Variants in ARMC2 observed in about 807,000 individuals in gnomAD.
ARMC2 encodes the protein armadillo repeat-containing protein 2.
Under a neutral mutation model 90.3 loss-of-function variants are expected in ARMC2, and 67 were observed. That is an observed-to-expected ratio of 0.74 (90% confidence interval 0.61 to 0.91). The LOEUF is 0.91. Among genes scored for constraint, ARMC2 ranks in the 40% least tolerant of loss-of-function variants. ARMC2 has a pLI of 0.00. For missense variants in ARMC2, 920 were observed against 1,030.9 expected (o/e 0.89, Z 1.47); for synonymous variants, 393 against 393.0 (o/e 1.00, Z 0.00).
intron 5 of ARMC2, among the ~76,000 whole-genome samples, chr6:108,877,342 T>C (rs17316075): frequency 2.0e-5 from 3 of 152,250 alleles, no homozygotes; most frequent in African/African-American, 7.2e-5. Context: ...CTTGTTTAGC[T>C]GAACCGACCT....
At chr6:108,864,889 C>G (rs1466930546) in intron 3 of ARMC2, among the ~76,000 whole-genome samples, 2 of 152,246 alleles carry the variant, frequency 1.3e-5, no homozygotes, top group East Asian at 3.9e-4. Flanking sequence ...ACAGGTCCAC[C>G]AGCCAGAACA....
chr6:108,982,181 T>A, the ARMC2 span, among the ~76,000 whole-genome samples: 1 of 152,132 alleles, frequency 6.6e-6, no homozygotes, highest in African/African-American at 2.4e-5. Context: ...TAGTTCAAGC[T>A]GAGATAACAA....
intron 8 of ARMC2, chr6:108,907,727 A>G: frequency 6.2e-7 from 1 of 1,609,904 alleles, no homozygotes; most frequent in Non-Finnish European, 8.5e-7. Flanking sequence ...CTTCACATTG[A>G]TGTACTTGTA....
At chr6:109,003,785 A>G in the ARMC2 span, among the ~76,000 whole-genome samples, 1 of 152,210 alleles carries the variant, frequency 6.6e-6, no homozygotes, top group East Asian at 1.9e-4. Context: ...AATAGCAGCC[A>G]TTTATATACA....
chr6:109,021,210 A>C, the ARMC2 span, among the ~76,000 whole-genome samples: 1 of 152,076 alleles, frequency 6.6e-6, no homozygotes, highest in Admixed American at 6.6e-5. Context: ...CCCAGGCTAC[A>C]TGGACTCAAG....
chr6:108,954,232 T>A (rs1777401257), intron 13 of ARMC2, among the ~76,000 whole-genome samples: 2 of 152,204 alleles, frequency 1.3e-5, no homozygotes, highest in South Asian at 4.1e-4. Flanking sequence ...CACAATTCAG[T>A]CCATGGCAAC....
Position 108,953,184 on chromosome 6 carries a change from C to T in ARMC2, c.1748C>T (p.Pro583Leu), listed in dbSNP as rs753578946. 3.7e-6 allele frequency: 6 copies of T among 1,613,946 alleles called. No individual in the cohort carries two copies. Among genetic ancestry groups the T allele is most frequent in the South Asian group, 1.1e-5 (1 of 91,094 alleles). ...FHQLDLHSQK[P>L]VGQRGEQHRA... ...CAGCTGGATCTGCATTCCCAGAAGCCGGTGGGCCAACGAGGCGAGCAGCAC... is the reference window on the plus strand; with the variant it reads ...CAGCTGGATCTGCATTCCCAGAAGCTGGTGGGCCAACGAGGCGAGCAGCAC... Residue 583 changes from proline (P) to leucine (L), a missense_variant, in exon 13 of 18, where the codon CCG becomes CTG. Pro to Leu is a moderately conservative substitution (Grantham distance 98, BLOSUM62 -3). Coordinates refer to ENST00000392644, the MANE Select transcript of ARMC2 (RefSeq NM_032131.6).
chr6:108,950,667 A>G (rs1302098511), intron 12 of ARMC2, among the ~76,000 whole-genome samples: 1 of 152,196 alleles, frequency 6.6e-6, no homozygotes, highest in Non-Finnish European at 1.5e-5. Context: ...AAAAATAACT[A>G]TTGGATAGTA....
the ARMC2 span, among the ~76,000 whole-genome samples, chr6:108,981,055 C>A: frequency 6.6e-6 from 1 of 152,116 alleles, no homozygotes; most frequent in East Asian, 1.9e-4. Context: ...TTCACTCCAA[C>A]AGATGAAATC....
At chr6:108,853,931 G>A (rs1245186982) in intron 1 of ARMC2, among the ~76,000 whole-genome samples, 4 of 152,116 alleles carry the variant, frequency 2.6e-5, no homozygotes, top group African/African-American at 4.8e-5. Flanking sequence ...TGAAGACCAT[G>A]AGATGATTCG....
chr6:108,890,382 T>C (rs1010587379), intron 5 of ARMC2, among the ~76,000 whole-genome samples: 1 of 150,802 alleles, frequency 6.6e-6, no homozygotes, highest in Non-Finnish European at 1.5e-5. Context: ...TATTAAGTTC[T>C]TCCAGTGTCA....
At chr6:109,036,446 T>C in the ARMC2 span, among the ~76,000 whole-genome samples, 3 of 152,166 alleles carry the variant, frequency 2.0e-5, no homozygotes, top group African/African-American at 7.2e-5. Context: ...GGCACTAATA[T>C]TGTTACACAC....
chr6:108,931,049 T>C (rs1377746573), intron 11 of ARMC2, among the ~76,000 whole-genome samples: 1 of 151,740 alleles, frequency 6.6e-6, no homozygotes, highest in Non-Finnish European at 1.5e-5. Context: ...AAAAGAGTTA[T>C]CTTTTCTGCT....
At chr6:109,004,850 C>T in the ARMC2 span, among the ~76,000 whole-genome samples, 116 of 152,198 alleles carry the variant, frequency 7.6e-4, no homozygotes, top group Non-Finnish European at 1.3e-3. Context: ...CTGTCTTCCT[C>T]CAAAAAGATT....
intron 8 of ARMC2, among the ~76,000 whole-genome samples, chr6:108,908,428 G>A (rs552212801): frequency 2.6e-5 from 4 of 152,298 alleles, no homozygotes; most frequent in Non-Finnish European, 4.4e-5. Context: ...GTAAATACTT[G>A]TGGATCAAGC....
intron 8 of ARMC2, among the ~76,000 whole-genome samples, chr6:108,908,502 C>G (rs929383398): frequency 6.6e-6 from 1 of 152,156 alleles, no homozygotes; most frequent in African/African-American, 2.4e-5. Flanking sequence ...TAACTGAAAA[C>G]TCATTAATAA....
At chr6:108,925,603 G>A (rs1775031476) in intron 10 of ARMC2, among the ~76,000 whole-genome samples, 1 of 152,182 alleles carries the variant, frequency 6.6e-6, no homozygotes, top group African/African-American at 2.4e-5. Context: ...CCATGGTCAG[G>A]GAACTGAATA....
chr6:108,899,828 G>GTT (rs374345051), intron 7 of ARMC2, 36 bp downstream of exon 7: 29 of 1,411,628 alleles, frequency 2.1e-5, no homozygotes, highest in African/African-American at 3.0e-5. Flanking sequence ...AACCGTTTTT[G>GTT]TTTTTTTTTT....
intron 8 of ARMC2, among the ~76,000 whole-genome samples, chr6:108,905,214 G>T (rs1279606496): frequency 1.3e-5 from 2 of 152,166 alleles, no homozygotes; most frequent in Non-Finnish European, 2.9e-5. Flanking sequence ...CACAGTGAAG[G>T]TAAGTGTTGG....
Sources: allele counts gnomAD v4.1 joint callset (sites outside exome capture counted in the v4.1 genomes callset), GRCh38; gene constraint gnomAD v4.1.1; transcripts MANE v1.5; gene names NCBI Gene and HGNC (gene_info 2026-07-23, HGNC 2026-07-21).